CELA3B: variants seen among roughly 807,000 people sequenced by gnomAD.
CELA3B encodes the protein chymotrypsin like elastase 3B.
In CELA3B, 34 loss-of-function variants were observed where a neutral mutation model predicts 37.2. That is an observed-to-expected ratio of 0.91 (90% CI 0.70 to 1.22). The LOEUF (loss-of-function observed/expected upper bound fraction) is 1.22. Ranked by LOEUF, CELA3B falls within the 50% of genes most tolerant of loss-of-function variation. The probability of loss-of-function intolerance (pLI) is 0.00; values close to 1 mark genes in which losing one functional copy is unlikely to be tolerated. For missense variants in CELA3B, 340 were observed against 363.1 expected (o/e 0.94, Z 0.52); for synonymous variants, 127 against 143.5 (o/e 0.89, Z 0.82).
chr1:21,987,094 T>C (rs1368133093), intron 7 of CELA3B: 1 of 342,010 alleles, frequency 2.9e-6, no homozygotes, highest in South Asian at 2.3e-5. Context: ...TGGGGATGGG[T>C]GATCAGAGAG....
chr1:21,983,426 A>G (rs1644816802), intron 4 of CELA3B, among the ~76,000 whole-genome samples: 1 of 151,850 alleles, frequency 6.6e-6, no homozygotes, highest in Non-Finnish European at 1.5e-5. Context: ...CATGCCTGTA[A>G]TTCCAGCACT....
At chr1:21,978,772 C>A (rs1644786507) in intron 2 of CELA3B, among the ~76,000 whole-genome samples, 5 of 152,170 alleles carry the variant, frequency 3.3e-5, no homozygotes, top group Middle Eastern at 6.8e-3. Flanking sequence ...TTCTAGATTC[C>A]TAGGATGATA....
At chr1:21,989,607 C>T (rs982249873), downstream of CELA3B, among the ~76,000 whole-genome samples, 2 of 148,630 alleles carry the variant, frequency 1.3e-5, no homozygotes, top group Non-Finnish European at 3.0e-5. Flanking sequence ...ACAAGTTGGT[C>T]GCCTTAGTAT....
At chr1:21,980,994 G>A (rs759441841) in intron 3 of CELA3B, 44 bp from the exon 4 acceptor site, 1 of 1,613,986 alleles carries the variant, frequency 6.2e-7, no homozygotes, top group Non-Finnish European at 8.5e-7. Context: ...GGGAAGGAGG[G>A]AGGTAGCCAG....
intron 2 of CELA3B, among the ~76,000 whole-genome samples, chr1:21,979,152 A>C (rs1215149337): frequency 1.3e-5 from 2 of 151,354 alleles, no homozygotes; most frequent in Non-Finnish European, 2.9e-5. Flanking sequence ...GGCTCACTGC[A>C]ACCTCTGCCA....
At chr1:21,993,171 G>A (rs1477107624), downstream of CELA3B, among the ~76,000 whole-genome samples, 1 of 151,310 alleles carries the variant, frequency 6.6e-6, no homozygotes, top group Non-Finnish European at 1.5e-5. Flanking sequence ...AAAGGTTATT[G>A]TATTTATGGC....
intron 2 of CELA3B, among the ~76,000 whole-genome samples, chr1:21,980,546 A>G (rs4474217): frequency 0.47 from 64,112 of 135,720 alleles, 17,617 homozygotes; most frequent in Middle Eastern, 0.7. Context: ...GCTCTCAAGA[A>G]ACAGAAGGTA....
At chr1:21,991,664 T>C (rs993660698), downstream of CELA3B, among the ~76,000 whole-genome samples, 4 of 151,102 alleles carry the variant, frequency 2.6e-5, no homozygotes, top group African/African-American at 9.8e-5. Context: ...AAGGAGATTT[T>C]ATATCTTATA....
At chr1:21,993,013 A>T (rs1471025846), downstream of CELA3B, among the ~76,000 whole-genome samples, 1 of 143,112 alleles carries the variant, frequency 7.0e-6, no homozygotes, top group Non-Finnish European at 1.5e-5. Flanking sequence ...GTTAGAACAT[A>T]GTTCTAATGG....
chr1:21,984,301 T>C lies in CELA3B; in HGVS notation c.612T>C (p.Cys204=), dbSNP rs375450687. The change falls in exon 6 of 8, where the codon TGT becomes TGC. Residue 204 remains cysteine, a synonymous_variant. Transcript: ENST00000337107. Reference sequence around the variant, plus strand: ...CCTCCGTGAAGAAGACCATGGTGTGTGCTGGAGGGGACATCCGCTCCGGCT... The same window carrying C: ...CCTCCGTGAAGAAGACCATGGTGTGCGCTGGAGGGGACATCCGCTCCGGCT... The part of the protein sequence containing the change: ...WGSSVKKTMV[C]AGGDIRSGCN... 1.9e-6 allele frequency: 3 copies of C among 1,613,948 alleles called. No individual in the cohort carries two copies. In the African/African-American group the frequency reaches 4.0e-5, roughly 22 times the overall value.
intron 2 of CELA3B, among the ~76,000 whole-genome samples, chr1:21,980,047 G>A (rs1385440364): frequency 1.7e-5 from 1 of 58,644 alleles, no homozygotes; most frequent in Admixed American, 2.1e-4. Flanking sequence ...GTGCCCCACT[G>A]TCCACAGTTT....
chr1:21,981,898 T>TTTG (rs1298999512), intron 4 of CELA3B, among the ~76,000 whole-genome samples: 11 of 152,006 alleles, frequency 7.2e-5, no homozygotes, highest in Non-Finnish European at 1.3e-4. Context: ...GCTAATTTTT[T>TTTG]GTATTTTTAG....
At chr1:21,997,254 G>C (rs1644894202) in intron 4 of CELA3B, among the ~76,000 whole-genome samples, 1 of 150,520 alleles carries the variant, frequency 6.6e-6, no homozygotes, top group Non-Finnish European at 1.5e-5. Context: ...CCAGCTACTT[G>C]GGAGGCTGAG....
intron 4 of CELA3B, among the ~76,000 whole-genome samples, chr1:21,994,355 C>G (rs1644880538): frequency 6.6e-6 from 1 of 150,982 alleles, no homozygotes; most frequent in Admixed American, 6.6e-5. Flanking sequence ...GGCGAGGTGA[C>G]CTCTGCTCCT....
At chr1:21,980,791 G>A in intron 2 of CELA3B, 33 bp from the exon 3 acceptor site, 12 of 1,454,772 alleles carry the variant, frequency 8.2e-6, no homozygotes, top group Non-Finnish European at 1.2e-5. Context: ...GTGGGGCCCA[G>A]CCCACTGAGG....
intron 2 of CELA3B, among the ~76,000 whole-genome samples, chr1:21,979,016 C>T (rs1411477963): frequency 1.3e-5 from 2 of 149,310 alleles, no homozygotes; most frequent in Non-Finnish European, 3.0e-5. Flanking sequence ...CACTGCACTC[C>T]AGCCCTGGGC....
At position 21,981,188 on chromosome 1, in the gene CELA3B, G is replaced by A. The variant is rs555863063; in HGVS notation, c.362+16G>A. 102 of 1,610,020 alleles carry A rather than the reference G, an allele frequency of 6.3e-5. 2 individuals are homozygous for A. In the South Asian group the frequency reaches 9.0e-4, roughly 14 times the overall value. On this transcript the variant is annotated intron_variant, in intron 4 of 7. Coordinates refer to ENST00000337107, the MANE Select transcript of CELA3B (RefSeq NM_007352.4). ...TGGCCTGTGGGTGAGTGAATGCTCC[G>A]GTCTGGAACCCAGAGGCTCCTCTAC...
Position 21,985,061 on chromosome 1 carries a change from C to T in CELA3B, c.642+730C>T, listed in dbSNP as rs575924095. On this transcript the variant is annotated intron_variant, in intron 6 of 7. Coordinates refer to ENST00000337107, the MANE Select transcript of CELA3B (RefSeq NM_007352.4). ...TTGGGAGGCTGAGGCGGGAGGATTG[C>T]TTGAGGCTAGGAGTTTGAGACCAGC... Among the ~76,000 whole-genome samples, 59 of 151,976 alleles carry T rather than the reference C, an allele frequency of 3.9e-4. 1 individual carries two copies. The highest frequency in any genetic ancestry group is 1.4e-3 in the African/African-American group (57 of 41,482).
chr1:21,985,116 A>C (rs111901086), intron 6 of CELA3B, among the ~76,000 whole-genome samples: 169 of 150,010 alleles, frequency 1.1e-3, no homozygotes, highest in African/African-American at 3.7e-3. Context: ...GCCCATCTAC[A>C]AAAAAAACTT....
Sources: gnomAD v4.1 joint callset for allele counts (sites outside exome capture counted in the v4.1 genomes callset) on GRCh38, gnomAD v4.1.1 for gene constraint, MANE v1.5 for transcripts, NCBI Gene and HGNC (gene_info 2026-07-23, HGNC 2026-07-21) for gene names.